The following PAOX variants were observed in gnomAD, a reference collection of about 807,000 sequenced individuals.
The protein encoded by PAOX is polyamine oxidase, also known as peroxisomal N(1)-acetyl-spermine/spermidine oxidase.
Under a neutral mutation model 39.0 loss-of-function variants are expected in PAOX, and 38 were observed. The observed-to-expected ratio is 0.97, with a 90% CI of 0.75 to 1.28. The LOEUF (loss-of-function observed/expected upper bound fraction) is 1.28, where lower values mean the gene tolerates loss of function less well. Ranked by LOEUF, PAOX falls within the 50% of genes most tolerant of loss-of-function variation. The pLI is 0.00. For missense variants in PAOX, 667 were observed against 685.7 expected, an observed-to-expected ratio of 0.97 and a Z score of 0.30; for synonymous variants, 311 against 314.4, an observed-to-expected ratio of 0.99 and a Z score of 0.11.
chr10:133,389,877 G>C, intron 6 of PAOX, 130 bp downstream of exon 6: 1 of 1,027,570 alleles, frequency 9.7e-7, no homozygotes, highest in Non-Finnish European at 1.3e-6. Flanking sequence ...TTTTCTTTTT[G>C]AAACTAAGAA....
chr10:133,385,580 A>C (rs1412511262), intron 4 of PAOX, among the ~76,000 whole-genome samples: 1 of 152,050 alleles, frequency 6.6e-6, no homozygotes, highest in Non-Finnish European at 1.5e-5. Context: ...CCCCATGATA[A>C]ATAAAATATT....
rs1378730573 is a variant in PAOX at position 133,384,337 on chromosome 10, T to G, written c.1121+125T>G. On this transcript the variant is annotated intron_variant, in intron 4 of 6. Coordinates refer to ENST00000278060, the MANE Select transcript of PAOX (RefSeq NM_152911.4). The surrounding 1 kb of genome is among the most constrained non-coding windows in gnomAD (Gnocchi z 4.3). Reference sequence around the variant, plus strand: ...GGGGGTTTAATGGGTAGGGTTCCCATGAGCGCCCCCCCACCAGGTGCTGGC... The same window carrying G: ...GGGGGTTTAATGGGTAGGGTTCCCAGGAGCGCCCCCCCACCAGGTGCTGGC... 7.0e-7 allele frequency: 1 copy of G among 1,422,736 alleles called. No individual in the cohort carries two copies. The highest frequency in any genetic ancestry group is 9.5e-7 in the Non-Finnish European group (1 of 1,053,348). 88.1% of individuals were successfully genotyped at this position (1,422,736 alleles called of 1,614,324 possible).
rs1849491706 is a variant in PAOX, at chr10:133,384,888, G to A, written c.1121+676G>A. Among the ~76,000 whole-genome samples, 1 of 152,232 alleles carries A rather than the reference G, an allele frequency of 6.6e-6. No individual in the cohort carries two copies. Among genetic ancestry groups the A allele is most frequent in the Non-Finnish European group, 1.5e-5 (1 of 68,036 alleles). On this transcript the variant is annotated intron_variant, in intron 4 of 6. Coordinates refer to ENST00000278060, the MANE Select transcript of PAOX (RefSeq NM_152911.4). The surrounding 1 kb of genome is among the most constrained non-coding windows in gnomAD (Gnocchi z 4.3). ...CGGGATGGGGTGGGATGTAGGGCATGCCTGCCAGATGGTTCATAGTTGCCA... is the reference window on the plus strand; with the variant it reads ...CGGGATGGGGTGGGATGTAGGGCATACCTGCCAGATGGTTCATAGTTGCCA...
Position 133,384,061 on chromosome 10 carries a change from T to C in PAOX, c.970T>C (p.Phe324Leu). The change falls in exon 4 of 7, where the codon TTC becomes CTC. Residue 324 changes from phenylalanine to leucine, a missense_variant. Physicochemically the swap from Phe to Leu is conservative, Grantham distance 22. Coordinates refer to ENST00000278060, the MANE Select transcript of PAOX (RefSeq NM_152911.4). This position sits in a 1 kb window ranked among gnomAD's most constrained non-coding sequence, Gnocchi z 4.3. ...AGGCTTTGGGACCAACAACAAAATC[T>C]TCCTGGAGTTTGAGGAGCCCTTCTG... ...KIGFGTNNKI[F>L]LEFEEPFWEP... 1 of 1,614,192 alleles carries C rather than the reference T, an allele frequency of 6.2e-7. No individual in the cohort carries two copies. The highest frequency in any genetic ancestry group is 8.5e-7 in the Non-Finnish European group (1 of 1,180,020).
chr10:133,389,767 C>G lies in PAOX; in HGVS notation c.1392+20C>G. 6.9e-7 allele frequency: 1 copy of G among 1,457,164 alleles called. No individual in the cohort carries two copies. Among genetic ancestry groups the G allele is most frequent in the South Asian group, 1.4e-5 (1 of 72,460 alleles). The allele number at this position is 1,457,164 out of a possible 1,614,324, so 90.3% of individuals were successfully genotyped here. A position where few individuals can be genotyped will look rare whatever the true frequency, so the allele number is the denominator to read the frequency against. ...GCCCAGGTATGTGGCGTGCCCCAGTCGGGGGGCGTGGGTCCCGCTGCAGAG... is the reference window on the plus strand; with the variant it reads ...GCCCAGGTATGTGGCGTGCCCCAGTGGGGGGGCGTGGGTCCCGCTGCAGAG... On this transcript the variant is annotated intron_variant, in intron 6 of 6. Coordinates refer to ENST00000278060, the MANE Select transcript of PAOX (RefSeq NM_152911.4).
rs1217017600 is a variant in PAOX, at chr10:133,384,839, A to G, written c.1121+627A>G. On this transcript the variant is annotated intron_variant, in intron 4 of 6. Transcript: ENST00000278060. The surrounding 1 kb of genome is among the most constrained non-coding windows in gnomAD (Gnocchi z 4.3). The stretch of plus-strand genomic sequence containing the variant: ...ACTGAGAGATGCCGCAGGAGGGGGC[A>G]CCAAGTTCTTGTTCTGAAAGACCCG... Among the ~76,000 whole-genome samples the G allele has an allele frequency of 2.0e-5, 3 of 152,186 alleles. No homozygotes were observed. Among genetic ancestry groups the G allele is most frequent in the African/African-American group, 7.2e-5 (3 of 41,444 alleles).
intron 4 of PAOX, among the ~76,000 whole-genome samples, chr10:133,388,275 T>C (rs908592862): frequency 1.3e-5 from 2 of 152,160 alleles, no homozygotes; most frequent in African/African-American, 4.8e-5. Flanking sequence ...CCATTAGTTA[T>C]TTTTCCTGCT....
intron 1 of PAOX, chr10:133,379,762 G>A: frequency 1.8e-6 from 1 of 546,006 alleles, no homozygotes; most frequent in Non-Finnish European, 2.9e-6. Flanking sequence ...CAGCCCCGGG[G>A]TACGCCCACC....
chr10:133,388,026 GATTATTAAAAAGAC>G (rs1423754622), intron 4 of PAOX, among the ~76,000 whole-genome samples: 1 of 152,130 alleles, frequency 6.6e-6, no homozygotes, highest in Admixed American at 6.6e-5. Context: ...CCTCCACGCA[GATTATTAAAAAGAC>G]ATGAACTCGA....
At position 133,379,678 on chromosome 10, in the gene PAOX, A is replaced by C. The variant is rs1001399673; in HGVS notation, c.181+181A>C. The C allele has an allele frequency of 4.2e-5, 25 of 602,054 alleles. No individual in the cohort carries two copies. In the East Asian group the frequency reaches 7.1e-4, roughly 17 times the overall value. The allele number at this position is 602,054 out of a possible 1,614,324, so 37.3% of individuals were successfully genotyped here. A position where few individuals can be genotyped will look rare whatever the true frequency, so the allele number is the denominator to read the frequency against. ...CGAAACTCAGGGCTCAGAGTTAGTC[A>C]GGAGGGCGCCGGCCAGGGAAGGCGA... On this transcript the variant is annotated intron_variant, in intron 1 of 6. Coordinates refer to ENST00000278060, the MANE Select transcript of PAOX (RefSeq NM_152911.4).
At chr10:133,386,044 G>T (rs1389889791) in intron 4 of PAOX, among the ~76,000 whole-genome samples, 20 of 147,942 alleles carry the variant, frequency 1.4e-4, no homozygotes, top group Admixed American at 1.1e-3. Flanking sequence ...TTGAGACAAG[G>T]TCTCTCTGTC....
intron 6 of PAOX, chr10:133,391,019 G>C (rs1277304620): frequency 4.3e-6 from 3 of 702,150 alleles, no homozygotes; most frequent in Admixed American, 4.0e-5. Context: ...TTTCCCGCCC[G>C]TTGGTGGATG....
rs769553718 is a variant in PAOX at position 133,384,041 on chromosome 10, T to C, written c.950T>C (p.Phe317Ser). ...EKAEAIRKIG[F>S]GTNNKIFLEF... ...GCAGAAGCAATCAGGAAGATAGGCT[T>C]TGGGACCAACAACAAAATCTTCCTG... Residue 317 changes from phenylalanine to serine, a missense_variant, in exon 4 of 7, where the codon TTT (phenylalanine) becomes TCT (serine). Transcript: ENST00000278060. This position sits in a 1 kb window ranked among gnomAD's most constrained non-coding sequence, Gnocchi z 4.3. 1.9e-6 allele frequency: 3 copies of C among 1,614,172 alleles called. No homozygotes were observed. Among genetic ancestry groups the C allele is most frequent in the East Asian group, 2.2e-5 (1 of 44,886 alleles).
chr10:133,379,982 C>T lies in PAOX; in HGVS notation c.182-17C>T. ...TAGGAAAGGGACCTCCAGGTGGCATCTGCTGTCCCCTCGCAGGTGGCGTGG... is the reference window on the plus strand; with the variant it reads ...TAGGAAAGGGACCTCCAGGTGGCATTTGCTGTCCCCTCGCAGGTGGCGTGG... On this transcript the variant is annotated splice_polypyrimidine_tract_variant and intron_variant, in intron 1 of 6. Transcript: ENST00000278060. The T allele has an allele frequency of 6.6e-7, 1 of 1,506,636 alleles. No individual in the cohort carries two copies. Among genetic ancestry groups the T allele is most frequent in the Non-Finnish European group, 8.8e-7 (1 of 1,134,132 alleles). 93.3% of individuals were successfully genotyped at this position (1,506,636 alleles called of 1,614,324 possible).
At chr10:133,381,809 T>G in intron 3 of PAOX, 150 bp downstream of exon 3, 2 of 811,652 alleles carry the variant, frequency 2.5e-6, no homozygotes, top group South Asian at 3.6e-5. Flanking sequence ...ATGATTCTGT[T>G]ATGTTTTGTA....
intron 1 of PAOX, 154 bp from the exon 2 acceptor site, chr10:133,379,845 T>G: frequency 9.8e-7 from 1 of 1,024,308 alleles, no homozygotes; most frequent in Non-Finnish European, 1.4e-6. Context: ...AAACTGGGTC[T>G]GACAGGGCCC....
chr10:133,389,256 G>A (rs1849605445), intron 5 of PAOX, among the ~76,000 whole-genome samples, 188 bp downstream of exon 5: 1 of 152,236 alleles, frequency 6.6e-6, no homozygotes, highest in Non-Finnish European at 1.5e-5. Context: ...AAATGACTTT[G>A]CAAACACTTC....
At chr10:133,381,828 A>G (rs2185746) in intron 3 of PAOX, among the ~76,000 whole-genome samples, 169 bp downstream of exon 3, 130,934 of 152,184 alleles carry the variant, frequency 0.86, 57,858 homozygotes, top group East Asian at 0.97. Flanking sequence ...TAGCAATTAC[A>G]TGCTTTGGAA....
chr10:133,386,975 C>A (rs1048317642), intron 4 of PAOX, among the ~76,000 whole-genome samples: 1 of 152,200 alleles, frequency 6.6e-6, no homozygotes, highest in African/African-American at 2.4e-5. Flanking sequence ...CTATCCATGG[C>A]TTTAGTCATT....
Sources: gnomAD v4.1 joint callset for allele counts (sites outside exome capture counted in the v4.1 genomes callset) on GRCh38, gnomAD v4.1.1 for gene constraint, Gnocchi (gnomAD v3.1) non-coding constraint, MANE v1.5 for transcripts, NCBI Gene and HGNC (gene_info 2026-07-23, HGNC 2026-07-21) for gene names.